Variants in LIMCH1 observed in about 807,000 individuals in gnomAD.
LIMCH1 encodes the protein LIM and calponin homology domains 1, also known as LIM and calponin homology domains-containing protein 1.
LIMCH1 carries 113 observed loss-of-function variants against 176.5 expected under a neutral mutation model. That is an observed-to-expected ratio of 0.64 (90% CI 0.55 to 0.75). The LOEUF (loss-of-function observed/expected upper bound fraction) is 0.75, where lower values mean the gene tolerates loss of function less well. Among genes scored for constraint, LIMCH1 ranks in the 30% least tolerant of loss-of-function variants. The probability of loss-of-function intolerance (pLI) is 0.00; values close to 1 mark genes in which losing one functional copy is unlikely to be tolerated. For synonymous variants in LIMCH1, 619 were observed against 645.9 expected, an observed-to-expected ratio of 0.96 and a Z score of 0.63; for missense variants, 1,674 against 1,814.9, an observed-to-expected ratio of 0.92 and a Z score of 1.41.
intron 1 of LIMCH1, among the ~76,000 whole-genome samples, chr4:41,566,132 G>A (rs543771019): frequency 1.3e-5 from 2 of 152,278 alleles, no homozygotes; most frequent in African/African-American, 2.4e-5. Context: ...CACTAAGGTA[G>A]GAGTCAGGCC....
chr4:41,525,590 G>A (rs941833813), intron 3 of LIMCH1, among the ~76,000 whole-genome samples: 2 of 152,090 alleles, frequency 1.3e-5, no homozygotes, highest in South Asian at 4.2e-4. Context: ...ATATTGGTTG[G>A]TAGTGAGCTG....
chr4:41,376,399 A>AT (rs964381359), intron 1 of LIMCH1, among the ~76,000 whole-genome samples: 20 of 152,076 alleles, frequency 1.3e-4, no homozygotes, highest in Admixed American at 1.0e-3. Flanking sequence ...TGACCAAGGG[A>AT]TTTTTTTAAA....
chr4:41,406,740 A>C (rs1273435983), intron 1 of LIMCH1, among the ~76,000 whole-genome samples: 1 of 152,218 alleles, frequency 6.6e-6, no homozygotes, highest in Admixed American at 6.5e-5. Context: ...AAAATATTGC[A>C]GCAGATTGCC....
chr4:41,691,876 T>C (rs1444512295), intron 30 of LIMCH1, among the ~76,000 whole-genome samples: 1 of 152,232 alleles, frequency 6.6e-6, no homozygotes, highest in Non-Finnish European at 1.5e-5. Context: ...CACATTTCAA[T>C]TGATAACTCA....
chr4:41,577,309 G>A (rs2152657044), intron 1 of LIMCH1, among the ~76,000 whole-genome samples: 1 of 152,084 alleles, frequency 6.6e-6, no homozygotes, highest in South Asian at 2.1e-4. Context: ...TACCTATTAG[G>A]AAAGCCCAGA....
intron 1 of LIMCH1, among the ~76,000 whole-genome samples, chr4:41,490,148 C>T (rs1433223727): frequency 6.6e-6 from 1 of 151,824 alleles, no homozygotes; most frequent in Non-Finnish European, 1.5e-5. Flanking sequence ...GAAAGAGAGG[C>T]AGGAAAGGCA....
rs747993017 is a variant in LIMCH1, at chr4:41,634,937, G to A, written c.2090+1129G>A. On this transcript the variant is annotated intron_variant, in intron 13 of 31. Transcript: ENST00000503057. ...ATGCCCTGGACTTGACCCTGGATCC[G>A]CGGGCTTCTGTAAAGCAAGTTAGAA... is the stretch of plus-strand genomic sequence containing the variant. Among the ~76,000 whole-genome samples the A allele has an allele frequency of 5.3e-5, 8 of 152,238 alleles. No individual in the cohort carries two copies. The South Asian group carries it at 1.0e-3, about 20-fold the overall frequency.
In LIMCH1 at chr4:41,681,128, C is replaced by G. The variant is rs925812142; in HGVS notation, c.3717+69C>G. ...AAATGGAAGTACCAAACCCCAAGAC[C>G]AAGGTTACCGAACAGACTCACTAGT... is the stretch of plus-strand genomic sequence containing the variant. On this transcript the variant is annotated intron_variant, in intron 25 of 31. Transcript: ENST00000503057. 3.3e-6 allele frequency: 3 copies of G among 911,436 alleles called. No homozygotes were observed. In the African/African-American group the frequency reaches 4.9e-5, roughly 15 times the overall value. The allele number at this position is 911,436 out of a possible 1,614,324, so 56.5% of individuals were successfully genotyped here.
At chr4:41,570,306 T>G (rs2083365687) in intron 1 of LIMCH1, among the ~76,000 whole-genome samples, 1 of 152,186 alleles carries the variant, frequency 6.6e-6, no homozygotes, top group African/African-American at 2.4e-5. Flanking sequence ...CTAACAAAAC[T>G]TTGCTTTCCA....
intron 17 of LIMCH1, among the ~76,000 whole-genome samples, chr4:41,647,731 T>G (rs1258446867): frequency 2.6e-5 from 4 of 152,270 alleles, no homozygotes; most frequent in African/African-American, 9.6e-5. Flanking sequence ...GATTGAGCAG[T>G]GTGATGCCAC....
At chr4:41,639,090 G>A in intron 14 of LIMCH1, 123 bp downstream of exon 14, 1 of 726,188 alleles carries the variant, frequency 1.4e-6, no homozygotes, top group African/African-American at 1.9e-5. Flanking sequence ...GACTTGTGCA[G>A]CAAAGCACTT....
chr4:41,576,709 G>C (rs2084531466), intron 1 of LIMCH1, among the ~76,000 whole-genome samples: 1 of 152,068 alleles, frequency 6.6e-6, no homozygotes, highest in Non-Finnish European at 1.5e-5. Context: ...GATTTGGCCA[G>C]TAAATTTTGT....
intron 21 of LIMCH1, 111 bp from the exon 22 acceptor site, chr4:41,671,443 A>C: frequency 1.7e-6 from 1 of 602,156 alleles, no homozygotes. Flanking sequence ...CACACACAAA[A>C]TTGGTTTAAA....
At chr4:41,433,795 C>A (rs972968087) in intron 1 of LIMCH1, among the ~76,000 whole-genome samples, 1 of 151,822 alleles carries the variant, frequency 6.6e-6, no homozygotes, top group Non-Finnish European at 1.5e-5. Flanking sequence ...GCCCTAGAGT[C>A]AGTCCAGATT....
chr4:41,479,916 C>T (rs1027929846), intron 1 of LIMCH1, among the ~76,000 whole-genome samples: 6 of 152,294 alleles, frequency 3.9e-5, no homozygotes, highest in African/African-American at 1.2e-4. Flanking sequence ...CCAAATCCAT[C>T]GTTGAAGTGG....
chr4:41,616,586 C>T (rs1006731670), intron 5 of LIMCH1, among the ~76,000 whole-genome samples: 1 of 151,936 alleles, frequency 6.6e-6, no homozygotes, highest in Admixed American at 6.6e-5. Flanking sequence ...TGCTAGATTA[C>T]ATTCTCCTAA....
intron 1 of LIMCH1, among the ~76,000 whole-genome samples, chr4:41,435,660 C>T (rs2062011584): frequency 6.6e-6 from 1 of 152,090 alleles, no homozygotes; most frequent in South Asian, 2.1e-4. Flanking sequence ...TTATTTCTGA[C>T]TATTTGATGA....
chr4:41,443,192 C>CTTTTTTTTTTTTTTTTTTTTTTTTTTTT (rs916559501), intron 1 of LIMCH1, among the ~76,000 whole-genome samples: 2 of 39,674 alleles, frequency 5.0e-5, no homozygotes, highest in African/African-American at 3.9e-4. Flanking sequence ...TGTTTTTTTT[C>CTTTTTTTTTTTTTTTTTTTTTTTTTTTT]TTTTTTTTTT....
At chr4:41,429,543 A>G (rs2061413462) in intron 1 of LIMCH1, among the ~76,000 whole-genome samples, 1 of 152,228 alleles carries the variant, frequency 6.6e-6, no homozygotes, top group Admixed American at 6.5e-5. Flanking sequence ...CGTTTGTATC[A>G]GGCTGTGGTA....
Sources: allele counts gnomAD v4.1 joint callset (sites outside exome capture counted in the v4.1 genomes callset), GRCh38; gene constraint gnomAD v4.1.1; transcripts MANE v1.5; gene names NCBI Gene and HGNC (gene_info 2026-07-23, HGNC 2026-07-21).